Variants in PTK7 observed in about 807,000 individuals in gnomAD.
The protein encoded by PTK7 is protein tyrosine kinase 7 (inactive).
Under a neutral mutation model 116.6 loss-of-function variants are expected in PTK7, and 39 were observed. The observed-to-expected ratio is 0.33, with a 90% confidence interval of 0.26 to 0.44. The LOEUF is 0.44. Ranked by LOEUF, PTK7 falls within the 20% of genes least tolerant of loss-of-function variation. PTK7 has a pLI of 1.00. For synonymous variants in PTK7, 546 were observed against 563.6 expected (o/e 0.97, Z 0.44); for missense variants, 1,169 against 1,425.6 (o/e 0.82, Z 2.90).
chr6:43,142,418 G>T, intron 13 of PTK7, 119 bp downstream of exon 13: 2 of 1,464,206 alleles, frequency 1.4e-6, no homozygotes, highest in Non-Finnish European at 1.9e-6. Flanking sequence ...CAGCGGTGGG[G>T]ATTCGGCCGT....
chr6:43,109,961 G>A (rs1768101652), intron 1 of PTK7, among the ~76,000 whole-genome samples: 1 of 144,720 alleles, frequency 6.9e-6, no homozygotes. Flanking sequence ...GCCTCCCAAA[G>A]TGCTGAGATT....
rs1271867124 is a variant in PTK7 at position 43,159,971 on chromosome 6, G to T, written c.3052+5G>T. 1.2e-6 allele frequency: 2 copies of T among 1,612,098 alleles called. No homozygotes were observed. Among genetic ancestry groups the T allele is most frequent in the East Asian group, 4.5e-5 (2 of 44,878 alleles). ...CAGATGATGAAGTACTGGCAGGTAG[G>T]CAGCCTTGCTGCTAGGGGATGATTC... On this transcript the variant is annotated splice_donor_5th_base_variant and intron_variant, in intron 19 of 19. Transcript: ENST00000230419.
chr6:43,084,331 C>T (rs905638202), intron 1 of PTK7, among the ~76,000 whole-genome samples: 11 of 152,098 alleles, frequency 7.2e-5, no homozygotes, highest in African/African-American at 4.8e-5. Context: ...TTAATAGAGG[C>T]GAGGTCTTGC....
At position 43,076,530 on chromosome 6, in the gene PTK7, G is replaced by A. The variant is rs960187882; in HGVS notation, c.42G>A (p.Leu14=). ...GATCCCCGGCCAGACCCCGCCGGTT[G>A]CCTCTGCTCAGCGTCCTGCTGCTGC... ...ARGSPARPRR[L]PLLSVLLLPL... Residue 14 remains leucine, a synonymous_variant, in exon 1 of 20, where the codon TTG becomes TTA. Transcript: ENST00000230419. The surrounding 1 kb of genome is among the most constrained non-coding windows in gnomAD (Gnocchi z 5.7). 1 of 1,577,036 alleles carries A rather than the reference G, an allele frequency of 6.3e-7. No homozygotes were observed.
Position 43,136,934 on chromosome 6 carries a change from G to A in PTK7, c.1229-1915G>A, listed in dbSNP as rs111768782. On this transcript the variant is annotated intron_variant, in intron 7 of 19. Coordinates refer to ENST00000230419, the MANE Select transcript of PTK7 (RefSeq NM_002821.5). ...TGAGAGGGTTGCTTGAGCCTGGGAC[G>A]CTGAGGCTGCAGTAAGCCATAGTGG... 7.8e-3 allele frequency among the ~76,000 whole-genome samples: 1,189 copies of A among 152,292 alleles called. 13 individuals are homozygous for A. Among genetic ancestry groups the A allele is most frequent in the African/African-American group, 0.025 (1,023 of 41,546 alleles).
Position 43,076,405 on chromosome 6 carries a change from T to TGCGCTCCGCC in PTK7, c.-83_-74dup. 1 of 1,137,876 alleles carries TGCGCTCCGCC rather than the reference T, an allele frequency of 8.8e-7. No individual in the cohort carries two copies. The highest frequency in any genetic ancestry group is 1.1e-6 in the Non-Finnish European group (1 of 873,584). 70.5% of individuals were successfully genotyped at this position (1,137,876 alleles called of 1,614,324 possible). Reference sequence around the variant, plus strand: ...TGCTGCTGCGGCGCCCGCGCTCCGGTGCGCTCCGCCTCCTGTGCCCGCCGC... The same window carrying TGCGCTCCGCC: ...TGCTGCTGCGGCGCCCGCGCTCCGGTGCGCTCCGCCGCGCTCCGCCTCCTGTGCCCGCCGC... On this transcript the variant is annotated 5_prime_UTR_variant, in exon 1 of 20. Coordinates refer to ENST00000230419, the MANE Select transcript of PTK7 (RefSeq NM_002821.5). The surrounding 1 kb of genome is among the most constrained non-coding windows in gnomAD (Gnocchi z 5.7).
chr6:43,158,977 G>A lies in PTK7; in HGVS notation c.2873+9G>A. ...AAGGATGTGTACAACAGGTAGAAGG[G>A]CATGCGTGGGGTGGGGGCTCCCCAT... is the stretch of plus-strand genomic sequence containing the variant. On this transcript the variant is annotated intron_variant, in intron 18 of 19. Coordinates refer to ENST00000230419, the MANE Select transcript of PTK7 (RefSeq NM_002821.5). 1 of 1,613,198 alleles carries A rather than the reference G, an allele frequency of 6.2e-7. No individual in the cohort carries two copies.
At chr6:43,090,663 C>T (rs1766896339) in intron 1 of PTK7, among the ~76,000 whole-genome samples, 1 of 152,178 alleles carries the variant, frequency 6.6e-6, no homozygotes, top group Non-Finnish European at 1.5e-5. Context: ...CTCCTTCTGG[C>T]AGACAAAGGT....
At chr6:43,115,055 A>AG (rs397743213) in intron 1 of PTK7, among the ~76,000 whole-genome samples, 2 of 151,250 alleles carry the variant, frequency 1.3e-5, no homozygotes, top group African/African-American at 4.9e-5. Flanking sequence ...AAAAAAAAAA[A>AG]CTTTACAAAA....
chr6:43,095,205 A>T (rs1386848951), intron 1 of PTK7, among the ~76,000 whole-genome samples: 1 of 149,120 alleles, frequency 6.7e-6, no homozygotes, highest in Non-Finnish European at 1.5e-5. Flanking sequence ...ACTAAAAAAA[A>T]AAAAAAAAAA....
chr6:43,124,968 T>G (rs536465424), intron 1 of PTK7, among the ~76,000 whole-genome samples: 1 of 151,948 alleles, frequency 6.6e-6, no homozygotes, highest in South Asian at 2.1e-4. Context: ...AGGTTGGGAG[T>G]TCGAGACCAG....
rs548872991 is a variant in PTK7, at chr6:43,129,367, C to T, written c.367+103C>T. The T allele has an allele frequency of 8.5e-5, 117 of 1,383,150 alleles. No homozygotes were observed. The African/African-American group carries it at 1.0e-3, about 12-fold the overall frequency. The allele number at this position is 1,383,150 out of a possible 1,614,324, so 85.7% of individuals were successfully genotyped here. ...TCAGCTTCTCCCATTTCCAGTTAAA[C>T]GGGCCAGGCAGAATGCATTTATCAT... On this transcript the variant is annotated intron_variant, in intron 2 of 19. Transcript: ENST00000230419. The surrounding 1 kb of genome is among the most constrained non-coding windows in gnomAD (Gnocchi z 4.5).
chr6:43,097,506 G>A (rs959531698), intron 1 of PTK7, among the ~76,000 whole-genome samples: 6 of 152,182 alleles, frequency 3.9e-5, no homozygotes, highest in African/African-American at 1.4e-4. Flanking sequence ...TGTGGAGAGG[G>A]AGATTATAGC....
intron 1 of PTK7, among the ~76,000 whole-genome samples, chr6:43,090,046 GCCA>G (rs1766862926): frequency 6.6e-6 from 1 of 152,218 alleles, no homozygotes; most frequent in Non-Finnish European, 1.5e-5. Flanking sequence ...TCCTGCGGAA[GCCA>G]CCAAGCCAGC....
intron 1 of PTK7, among the ~76,000 whole-genome samples, chr6:43,104,886 C>G (rs995263386): frequency 6.8e-6 from 1 of 147,200 alleles, no homozygotes; most frequent in Non-Finnish European, 1.5e-5. Context: ...GATCTCCGCT[C>G]ACTCCAATCT....
intron 1 of PTK7, among the ~76,000 whole-genome samples, chr6:43,083,168 G>A (rs914302736): frequency 2.6e-5 from 4 of 152,220 alleles, no homozygotes; most frequent in African/African-American, 9.6e-5. Context: ...AACAAGGTTG[G>A]GTGTCCTTGG....
In PTK7 at chr6:43,129,403, T is replaced by G; in HGVS notation, c.367+139T>G. 8.6e-7 allele frequency: 1 copy of G among 1,161,540 alleles called. No homozygotes were observed. The highest frequency in any genetic ancestry group is 1.2e-6 in the Non-Finnish European group (1 of 832,236). 72.0% of individuals were successfully genotyped at this position (1,161,540 alleles called of 1,614,324 possible). A position where few individuals can be genotyped will look rare whatever the true frequency, so the allele number is the denominator to read the frequency against. ...GAATGCATTTATCATCAGCTTTTTT[T>G]GCTCATGTGGATAAGAGGAAATTAA... On this transcript the variant is annotated intron_variant, in intron 2 of 19. Coordinates refer to ENST00000230419, the MANE Select transcript of PTK7 (RefSeq NM_002821.5). This position sits in a 1 kb window ranked among gnomAD's most constrained non-coding sequence, Gnocchi z 4.5.
At chr6:43,127,915 C>A (rs963416193) in intron 1 of PTK7, among the ~76,000 whole-genome samples, 7 of 150,316 alleles carry the variant, frequency 4.7e-5, no homozygotes, top group Non-Finnish European at 8.9e-5. Flanking sequence ...GGTGACAGAT[C>A]GAGACTCCGT....
chr6:43,107,592 G>A (rs1187247729), intron 1 of PTK7, among the ~76,000 whole-genome samples: 1 of 152,188 alleles, frequency 6.6e-6, no homozygotes, highest in Non-Finnish European at 1.5e-5. Flanking sequence ...CTACTAAACT[G>A]AGACACTTAA....
Sources: allele counts gnomAD v4.1 joint callset (sites outside exome capture counted in the v4.1 genomes callset), GRCh38; gene constraint gnomAD v4.1.1; non-coding constraint Gnocchi (gnomAD v3.1); transcripts MANE v1.5; gene names NCBI Gene and HGNC (gene_info 2026-07-23, HGNC 2026-07-21).